Variants in RAP1A observed in about 807,000 individuals in gnomAD.
RAP1A encodes RAP1A, member of RAS oncogene family, also known as ras-related protein Rap-1A.
A neutral mutation model predicts 26.4 loss-of-function variants in RAP1A; 6 were observed. The observed-to-expected ratio is 0.23, with a 90% CI of 0.12 to 0.45. The LOEUF (loss-of-function observed/expected upper bound fraction) is 0.45, where lower values mean the gene tolerates loss of function less well. Among genes scored for constraint, RAP1A ranks in the 20% least tolerant of loss-of-function variants. The pLI, the probability that RAP1A is intolerant of heterozygous loss-of-function variation, is 0.99. For synonymous variants in RAP1A, 73 were observed against 79.4 expected (o/e 0.92, Z 0.43); for missense variants, 121 against 217.2 (o/e 0.56, Z 2.78).
At chr1:111,678,176 T>C (rs1305298163) in intron 1 of RAP1A, among the ~76,000 whole-genome samples, 3 of 152,250 alleles carry the variant, frequency 2.0e-5, no homozygotes, top group Non-Finnish European at 4.4e-5. Flanking sequence ...CAAACACTGC[T>C]GATTGAGTTT....
At chr1:111,672,278 C>T (rs1660998418) in intron 1 of RAP1A, among the ~76,000 whole-genome samples, 1 of 152,136 alleles carries the variant, frequency 6.6e-6, no homozygotes, top group African/African-American at 2.4e-5. Context: ...GTGCTATTAA[C>T]ATAAATTAAT....
chr1:111,549,522 C>T (rs1312475441), intron 1 of RAP1A, among the ~76,000 whole-genome samples: 7 of 151,544 alleles, frequency 4.6e-5, no homozygotes, highest in Non-Finnish European at 1.0e-4. Context: ...TGGTGGCATG[C>T]GCCTGTAGTC....
chr1:111,640,030 C>G (rs1301426049), intron 1 of RAP1A, among the ~76,000 whole-genome samples: 1 of 152,224 alleles, frequency 6.6e-6, no homozygotes, highest in Non-Finnish European at 1.5e-5. Context: ...GTACACAAAA[C>G]TGAGTCCTTT....
chr1:111,684,748 A>G (rs548158282), intron 1 of RAP1A, among the ~76,000 whole-genome samples: 5 of 152,326 alleles, frequency 3.3e-5, no homozygotes, highest in South Asian at 4.2e-4. Flanking sequence ...TAAAGCTACC[A>G]TTGAGTTTCT....
At chr1:111,591,807 A>C (rs1658476745) in intron 1 of RAP1A, among the ~76,000 whole-genome samples, 1 of 152,236 alleles carries the variant, frequency 6.6e-6, no homozygotes, top group African/African-American at 2.4e-5. Context: ...GTTTTCAGTA[A>C]AATGGTTTGC....
At chr1:111,660,830 G>A (rs10776734) in intron 1 of RAP1A, among the ~76,000 whole-genome samples, 4 of 151,978 alleles carry the variant, frequency 2.6e-5, no homozygotes, top group African/African-American at 4.8e-5. Flanking sequence ...TCCAATTATA[G>A]TGCCCTACTT....
intron 1 of RAP1A, among the ~76,000 whole-genome samples, chr1:111,686,860 T>G (rs1473528693): frequency 1.3e-5 from 2 of 152,094 alleles, no homozygotes; most frequent in South Asian, 4.1e-4. Flanking sequence ...TATATCTATA[T>G]ATCTTTTTTT....
intron 1 of RAP1A, among the ~76,000 whole-genome samples, chr1:111,659,692 C>T (rs1294056424): frequency 3.3e-5 from 5 of 151,814 alleles, no homozygotes; most frequent in Non-Finnish European, 7.4e-5. Flanking sequence ...TTGTTGTTTC[C>T]TTTTTTTGCC....
chr1:111,661,643 A>G (rs1487300159), intron 1 of RAP1A, among the ~76,000 whole-genome samples: 1 of 151,990 alleles, frequency 6.6e-6, no homozygotes, highest in Non-Finnish European at 1.5e-5. Flanking sequence ...AACTAAAAAT[A>G]CAAAAATTAG....
At chr1:111,588,527 T>C (rs1233898540) in intron 1 of RAP1A, among the ~76,000 whole-genome samples, 2 of 152,228 alleles carry the variant, frequency 1.3e-5, no homozygotes, top group African/African-American at 4.8e-5. Flanking sequence ...CCCACATCTT[T>C]AGCCTCTTAT....
intron 1 of RAP1A, among the ~76,000 whole-genome samples, chr1:111,547,311 G>A (rs1657068354): frequency 6.6e-6 from 1 of 151,592 alleles, no homozygotes; most frequent in African/African-American, 2.4e-5. Flanking sequence ...AAAGGGTACT[G>A]GATTTTGTCA....
intron 1 of RAP1A, among the ~76,000 whole-genome samples, chr1:111,634,112 C>T (rs1659653572): frequency 6.6e-6 from 1 of 152,122 alleles, no homozygotes; most frequent in Admixed American, 6.6e-5. Context: ...TGTTGGTATA[C>T]CAAAGATGGA....
chr1:111,695,514 A>G (rs1661800466), intron 3 of RAP1A, 105 bp downstream of exon 3: 3 of 725,116 alleles, frequency 4.1e-6, no homozygotes, highest in Non-Finnish European at 6.3e-6. Context: ...AAATAATACA[A>G]ATATTGTGCA....
At chr1:111,543,040 G>T (rs1041918597) in intron 1 of RAP1A, among the ~76,000 whole-genome samples, 2 of 152,154 alleles carry the variant, frequency 1.3e-5, no homozygotes, top group African/African-American at 4.8e-5. Flanking sequence ...AAAATCAAAA[G>T]TCTATTTGTA....
intron 2 of RAP1A, among the ~76,000 whole-genome samples, chr1:111,694,468 GT>G (rs2101256206): frequency 6.6e-6 from 1 of 152,230 alleles, no homozygotes; most frequent in African/African-American, 2.4e-5. Flanking sequence ...ACCAGACCCT[GT>G]TTTAAAGTTA....
chr1:111,681,109 G>T (rs1386315810), intron 1 of RAP1A, among the ~76,000 whole-genome samples: 1 of 152,144 alleles, frequency 6.6e-6, no homozygotes, highest in African/African-American at 2.4e-5. Context: ...GCCAGGTGTG[G>T]TGCATTTATA....
chr1:111,588,380 C>A (rs1658418580), intron 1 of RAP1A, among the ~76,000 whole-genome samples: 1 of 152,158 alleles, frequency 6.6e-6, no homozygotes, highest in African/African-American at 2.4e-5. Flanking sequence ...ACATTACTAC[C>A]AGAATAATCT....
chr1:111,709,729 G>A (rs931127996), intron 7 of RAP1A, among the ~76,000 whole-genome samples: 3 of 152,192 alleles, frequency 2.0e-5, no homozygotes, highest in African/African-American at 7.2e-5. Context: ...CCATGGATTA[G>A]TTTTGCCTCT....
chr1:111,714,898 A>G lies in RAP1A; in HGVS notation c.*2497A>G, dbSNP rs1257133499. 2.0e-5 allele frequency: 3 copies of G among 152,338 alleles called. No homozygotes were observed. The East Asian group carries it at 5.8e-4, about 29-fold the overall frequency. The allele number at this position is 152,338 out of a possible 1,614,324, so 9.4% of individuals were successfully genotyped here. A position where few individuals can be genotyped will look rare whatever the true frequency, so the allele number is the denominator to read the frequency against. On this transcript the variant is annotated 3_prime_UTR_variant, in exon 8 of 8. Transcript: ENST00000369709. ...CATATTAGTATGTGTGGCTATTTAA[A>G]GTATAATGACTTTGGTTTGGTTATA... is the stretch of plus-strand genomic sequence containing the variant.
Sources: allele counts gnomAD v4.1 joint callset (sites outside exome capture counted in the v4.1 genomes callset), GRCh38; gene constraint gnomAD v4.1.1; transcripts MANE v1.5; gene names NCBI Gene and HGNC (gene_info 2026-07-23, HGNC 2026-07-21).